The following TDRD9 variants were observed in gnomAD, a reference collection of about 807,000 sequenced individuals.
TDRD9 encodes the protein ATP-dependent RNA helicase TDRD9.
A neutral mutation model predicts 172.6 loss-of-function variants in TDRD9; 124 were observed. The observed-to-expected ratio is 0.72, with a 90% CI of 0.62 to 0.83. TDRD9 has a LOEUF of 0.83. Among genes scored for constraint, TDRD9 ranks in the 40% least tolerant of loss-of-function variants. The probability of loss-of-function intolerance (pLI) is 0.00; values close to 1 mark genes in which losing one functional copy is unlikely to be tolerated. For synonymous variants in TDRD9, 619 were observed against 617.1 expected, an observed-to-expected ratio of 1.00 and a Z score of -0.05; for missense variants, 1,479 against 1,714.1, an observed-to-expected ratio of 0.86 and a Z score of 2.42.
chr14:103,994,753 G>C, intron 11 of TDRD9, 150 bp downstream of exon 11: 1 of 645,302 alleles, frequency 1.5e-6, no homozygotes, highest in South Asian at 2.0e-5. Flanking sequence ...TTGAGCTCAG[G>C]AATTTGAGAC....
At position 104,016,076 on chromosome 14, in the gene TDRD9, G is replaced by C; in HGVS notation, c.2319G>C (p.Lys773Asn). ...GGGAGCTGGCTGGCAAGGACCCCAA[G>C]ACAACTGTCGTGGTAGGTGCTGGGG... ...AVRELAGKDPKTTVVLKHIPP... is the reference protein window; with the variant it reads ...AVRELAGKDPNTTVVLKHIPP... Residue 773 changes from lysine to asparagine, a missense_variant, in exon 22 of 36, where the codon AAG becomes AAC. This residue lies in a region of TDRD9 where 1,413 missense variants were observed against 1,649.1 expected (regional missense o/e 0.86). Transcript: ENST00000409874. 6.2e-7 allele frequency: 1 copy of C among 1,601,044 alleles called. No homozygotes were observed. Among genetic ancestry groups the C allele is most frequent in the South Asian group, 1.1e-5 (1 of 88,208 alleles).
chr14:104,024,553 A>G lies in TDRD9; in HGVS notation c.2607-16A>G. On this transcript the variant is annotated splice_polypyrimidine_tract_variant and intron_variant, in intron 24 of 35. Transcript: ENST00000409874. ...AAAACTTGATTTTTATTTTAATAAA[A>G]ATTCGTATTATGTAGGGTGAATGTG... 1 of 1,473,114 alleles carries G rather than the reference A, an allele frequency of 6.8e-7. No individual in the cohort carries two copies. The highest frequency in any genetic ancestry group is 9.3e-7 in the Non-Finnish European group (1 of 1,076,266). The allele number at this position is 1,473,114 out of a possible 1,614,324, so 91.3% of individuals were successfully genotyped here.
intron 1 of TDRD9, chr14:103,941,243 A>C: frequency 1.1e-6 from 1 of 947,494 alleles, no homozygotes; most frequent in Non-Finnish European, 1.5e-6. Context: ...TTATGCTTCT[A>C]GTAAAGAAAT....
Position 104,052,325 on chromosome 14 carries a change from T to G in TDRD9, c.*243T>G. On this transcript the variant is annotated 3_prime_UTR_variant, in exon 36 of 36. Coordinates refer to ENST00000409874, the MANE Select transcript of TDRD9 (RefSeq NM_153046.3). ...AAACAGAAAATCACTGTATTAAATA[T>G]TTTGGAAAGATTGTTCTGAAAGAAG... The G allele has an allele frequency of 3.3e-6, 1 of 301,982 alleles. No homozygotes were observed. The highest frequency in any genetic ancestry group is 6.2e-6 in the Non-Finnish European group (1 of 161,000). 18.7% of individuals were successfully genotyped at this position (301,982 alleles called of 1,614,324 possible).
chr14:103,939,758 T>G (rs1334883016), intron 1 of TDRD9: 1 of 123,122 alleles, frequency 8.1e-6, no homozygotes, highest in African/African-American at 2.9e-5. Context: ...TTTTTTTTTT[T>G]TTTTTTGAGA....
At chr14:104,026,969 C>T (rs780643858) in intron 28 of TDRD9, 30 bp downstream of exon 28, 25 of 1,606,240 alleles carry the variant, frequency 1.6e-5, no homozygotes, top group African/African-American at 1.1e-4. Flanking sequence ...CTGGAGCACG[C>T]GTTTGTGTGA....
At chr14:103,928,931 T>G (rs961867834) in intron 1 of TDRD9, 5 of 249,070 alleles carry the variant, frequency 2.0e-5, no homozygotes, top group African/African-American at 7.0e-5. Flanking sequence ...GAGGTTTTTT[T>G]TTTTTTTTTT....
chr14:104,038,687 G>GT lies in TDRD9; in HGVS notation c.3717-1502dup, dbSNP rs199645865. Among the ~76,000 whole-genome samples the GT allele has an allele frequency of 8.9e-4, 122 of 137,332 alleles. No homozygotes were observed. In the East Asian group the frequency reaches 0.025, roughly 29 times the overall value. The allele number at this position is 137,332 out of a possible 152,430, so 90.1% of individuals were successfully genotyped here. On this transcript the variant is annotated intron_variant, in intron 32 of 35. Transcript: ENST00000409874. ...GGCAGCTGTCCCTGTTTTTTTGTTT[G>GT]TTTTTTTGAGTTGGAGTCTCACTCT...
At chr14:104,001,757 C>T (rs1414782052) in intron 13 of TDRD9, among the ~76,000 whole-genome samples, 2 of 152,040 alleles carry the variant, frequency 1.3e-5, no homozygotes, top group African/African-American at 4.8e-5. Context: ...TACAGGCATG[C>T]CCCACCACGC....
At chr14:104,010,041 G>A (rs2034565880) in intron 20 of TDRD9, among the ~76,000 whole-genome samples, 1 of 151,746 alleles carries the variant, frequency 6.6e-6, no homozygotes, top group Non-Finnish European at 1.5e-5. Context: ...TGCCTCCCGG[G>A]TTCAAACAAT....
intron 23 of TDRD9, among the ~76,000 whole-genome samples, chr14:104,020,083 C>T (rs548770098): frequency 6.6e-5 from 10 of 152,206 alleles, no homozygotes; most frequent in African/African-American, 2.2e-4. Flanking sequence ...AGAGCTGCTC[C>T]GTGTCAGATG....
intron 23 of TDRD9, among the ~76,000 whole-genome samples, chr14:104,021,500 C>T (rs987745936): frequency 2.6e-5 from 4 of 152,040 alleles, no homozygotes; most frequent in Non-Finnish European, 4.4e-5. Flanking sequence ...TGAGACCATC[C>T]GGGCCAACAT....
At position 103,980,894 on chromosome 14, in the gene TDRD9, C is replaced by T. The variant is rs1327810315; in HGVS notation, c.1012-5323C>T. Among the ~76,000 whole-genome samples, 2 of 152,098 alleles carry T rather than the reference C, an allele frequency of 1.3e-5. No individual in the cohort carries two copies. Among genetic ancestry groups the T allele is most frequent in the Non-Finnish European group, 2.9e-5 (2 of 68,006 alleles). The stretch of plus-strand genomic sequence containing the variant: ...CTTCTGGTCACTTCTCACTATGTCC[C>T]CTCAGCTCCTGTCTCTGTATGGCCT... On this transcript the variant is annotated intron_variant, in intron 7 of 35. Coordinates refer to ENST00000409874, the MANE Select transcript of TDRD9 (RefSeq NM_153046.3). This position sits in a 1 kb window ranked among gnomAD's most constrained non-coding sequence, Gnocchi z 4.5.
At chr14:103,948,676 T>C (rs536276485) in intron 1 of TDRD9, among the ~76,000 whole-genome samples, 7 of 152,228 alleles carry the variant, frequency 4.6e-5, no homozygotes, top group African/African-American at 1.7e-4. Context: ...TAGATGAACC[T>C]TGAGGACATT....
intron 1 of TDRD9, chr14:103,941,602 G>A (rs1318344279): frequency 2.1e-5 from 33 of 1,534,978 alleles, no homozygotes; most frequent in East Asian, 2.4e-5. Flanking sequence ...TTTAATTCCC[G>A]AAGCAGAGTC....
intron 35 of TDRD9, among the ~76,000 whole-genome samples, chr14:104,051,136 C>A (rs1417030109): frequency 2.6e-5 from 4 of 152,002 alleles, no homozygotes; most frequent in Non-Finnish European, 2.9e-5. Flanking sequence ...TCTAGTGGTC[C>A]CCGGTGTTTC....
chr14:103,977,101 C>G (rs1269071131), intron 7 of TDRD9, among the ~76,000 whole-genome samples: 2 of 152,136 alleles, frequency 1.3e-5, no homozygotes, highest in East Asian at 3.8e-4. Context: ...ATTTCCGTGA[C>G]AATTGGTGAT....
intron 27 of TDRD9, among the ~76,000 whole-genome samples, chr14:104,026,478 T>A (rs958061556): frequency 6.6e-6 from 1 of 152,196 alleles, no homozygotes; most frequent in Non-Finnish European, 1.5e-5. Flanking sequence ...ATCTAAAAAT[T>A]ATTCTAAATA....
intron 3 of TDRD9, among the ~76,000 whole-genome samples, chr14:103,963,916 G>A (rs1285223419): frequency 2.0e-5 from 3 of 152,346 alleles, no homozygotes; most frequent in African/African-American, 7.2e-5. Context: ...AGGTCGGGGA[G>A]TTCTGGAGGA....
Sources: gnomAD v4.1 joint callset for allele counts (sites outside exome capture counted in the v4.1 genomes callset) on GRCh38, gnomAD v4.1.1 for gene constraint, gnomAD v4.1.1 regional missense constraint, Gnocchi (gnomAD v3.1) non-coding constraint, MANE v1.5 for transcripts, NCBI Gene and HGNC (gene_info 2026-07-23, HGNC 2026-07-21) for gene names.